CAPN12: variants seen among roughly 807,000 people sequenced by gnomAD.
CAPN12 encodes calpain-12.
Under a neutral mutation model 95.0 loss-of-function variants are expected in CAPN12, and 107 were observed. The observed-to-expected ratio is 1.13, with a 90% CI of 0.96 to 1.32. CAPN12 has a LOEUF of 1.32. CAPN12 is among the 40% of genes most tolerant of loss of function. The probability of loss-of-function intolerance (pLI) is 0.00; values close to 1 mark genes in which losing one functional copy is unlikely to be tolerated. For synonymous variants in CAPN12, 505 were observed against 415.5 expected, an observed-to-expected ratio of 1.22 and a Z score of -2.62; for missense variants, 1,136 against 997.8, an observed-to-expected ratio of 1.14 and a Z score of -1.87.
Position 38,731,042 on chromosome 19 carries a change from GGTGA to G in CAPN12, c.2075-23_2075-20del. 6.4e-7 allele frequency: 1 copy of G among 1,557,644 alleles called. No homozygotes were observed. Among genetic ancestry groups the G allele is most frequent in the South Asian group, 1.2e-5 (1 of 84,798 alleles). Reference sequence around the variant, plus strand: ...CAGTGGCCTGTGCAGAGAGGGGCAGGGTGAGTGCCCACCAGTCCCCGTACCCCTT... The same window carrying G: ...CAGTGGCCTGTGCAGAGAGGGGCAGGGTGCCCACCAGTCCCCGTACCCCTT... On this transcript the variant is annotated intron_variant, in intron 19 of 20. Transcript: ENST00000328867.
chr19:38,735,611 T>G (rs1969984002), intron 12 of CAPN12, 67 bp from the exon 13 acceptor site: 5 of 1,541,620 alleles, frequency 3.2e-6, no homozygotes, highest in Non-Finnish European at 3.5e-6. Flanking sequence ...TGGGACGGGG[T>G]CTCAGGTGAG....
At chr19:38,742,380 G>A (rs886076708) in intron 3 of CAPN12, 30 bp downstream of exon 3, 4 of 1,463,632 alleles carry the variant, frequency 2.7e-6, no homozygotes, top group African/African-American at 1.4e-5. Context: ...TGGGGGAAAC[G>A]GAGGCATGGG....
At chr19:38,732,424 C>T (rs1314959891) in intron 18 of CAPN12, among the ~76,000 whole-genome samples, 2 of 152,214 alleles carry the variant, frequency 1.3e-5, no homozygotes, top group African/African-American at 2.4e-5. Flanking sequence ...CTCCACCTCC[C>T]GGGTTCAAGA....
rs1020112820 is a variant in CAPN12, at chr19:38,742,944, C to G, written c.307+89G>C. On this transcript the variant is annotated intron_variant, in intron 2 of 20. Transcript: ENST00000328867. The stretch of plus-strand genomic sequence containing the variant: ...AGAGACTGAGGAGGGATCCAGGGGC[C>G]GGGAGTGGGTGGACAAAGGGATGGA... The G allele has an allele frequency of 9.2e-6, 11 of 1,199,030 alleles. No homozygotes were observed. In the Middle Eastern group the frequency reaches 1.0e-3, roughly 112 times the overall value. 74.3% of individuals were successfully genotyped at this position (1,199,030 alleles called of 1,614,324 possible).
rs1021985180 is a variant in CAPN12 at position 38,734,962 on chromosome 19, G to A, written c.1687-92C>T. 14 of 1,215,174 alleles carry A rather than the reference G, an allele frequency of 1.2e-5. No individual in the cohort carries two copies. In the African/African-American group the frequency reaches 2.0e-4, roughly 17 times the overall value. 75.3% of individuals were successfully genotyped at this position (1,215,174 alleles called of 1,614,324 possible). A position where few individuals can be genotyped will look rare whatever the true frequency, so the allele number is the denominator to read the frequency against. On this transcript the variant is annotated intron_variant, in intron 14 of 20. Coordinates refer to ENST00000328867, the MANE Select transcript of CAPN12 (RefSeq NM_144691.4). Reference sequence around the variant, plus strand: ...TAGGGACACGGCAGGGGCTGACAGAGCCTCAGAGCCCTAGCTCCAGGAGTG... The same window carrying A: ...TAGGGACACGGCAGGGGCTGACAGAACCTCAGAGCCCTAGCTCCAGGAGTG...
intron 2 of CAPN12, among the ~76,000 whole-genome samples, 163 bp downstream of exon 2, chr19:38,742,870 A>AAAAAAAAAAAAAAAAGG (rs1970636378): frequency 6.7e-6 from 1 of 148,778 alleles, no homozygotes; most frequent in African/African-American, 2.5e-5. Flanking sequence ...AAAAAAAAAA[A>AAAAAAAAAAAAAAAAGG]AAGGAAGGAA....
chr19:38,733,450 G>T (rs12986332), intron 18 of CAPN12: 3 of 476,912 alleles, frequency 6.3e-6, no homozygotes, highest in Non-Finnish European at 1.1e-5. Context: ...GCCTCTCCCT[G>T]CCCCAGAACC....
rs377132193 is a variant in CAPN12, at chr19:38,738,601, G to C, written c.777C>G (p.His259Gln). 1.2e-6 allele frequency: 2 copies of C among 1,613,900 alleles called. No homozygotes were observed. Among genetic ancestry groups the C allele is most frequent in the Non-Finnish European group, 1.7e-6 (2 of 1,180,032 alleles). The change falls in exon 6 of 21, where the codon CAC becomes CAG. Residue 259 changes from histidine (H) to glutamine (Q), a missense_variant. His to Gln is a conservative substitution (Grantham distance 24). Transcript: ENST00000328867. ...YRTEEGLVKG[H>Q]AYSITGTHKV... is the part of the protein sequence containing the mutation. Reference sequence around the variant, plus strand: ...TGTGTGTGCCCGTGATGGAATACGCGTGTCCCTTTACCAGGCCCTCTTCTG... The same window carrying C: ...TGTGTGTGCCCGTGATGGAATACGCCTGTCCCTTTACCAGGCCCTCTTCTG...
At position 38,731,092 on chromosome 19, in the gene CAPN12, CG is replaced by C; in HGVS notation, c.2074+14del. 6.2e-7 allele frequency: 1 copy of C among 1,603,382 alleles called. No individual in the cohort carries two copies. Among genetic ancestry groups the C allele is most frequent in the Non-Finnish European group, 8.5e-7 (1 of 1,175,444 alleles). On this transcript the variant is annotated intron_variant, in intron 19 of 20. Transcript: ENST00000328867. ...CCCTTCCCCCCATGCCCCACCATGC[CG>C]GGGTGGTACTCACAGAAGATGCAGG...
At chr19:38,734,440 A>T (rs532857414) in intron 15 of CAPN12, 51 bp from the exon 16 acceptor site, 6 of 1,486,134 alleles carry the variant, frequency 4.0e-6, no homozygotes, top group South Asian at 3.9e-5. Context: ...TCTGGCCACC[A>T]CTTTAAGGGC....
intron 8 of CAPN12, among the ~76,000 whole-genome samples, 153 bp downstream of exon 8, chr19:38,738,120 C>G (rs1434218977): frequency 6.6e-6 from 1 of 152,156 alleles, no homozygotes; most frequent in Non-Finnish European, 1.5e-5. Flanking sequence ...CCAATTCTTC[C>G]TTGATTTCCC....
intron 15 of CAPN12, 173 bp downstream of exon 15, chr19:38,734,640 G>A (rs1023015021): frequency 2.4e-5 from 16 of 676,852 alleles, no homozygotes; most frequent in African/African-American, 2.2e-4. Flanking sequence ...CGTGGCCCAG[G>A]TCACGGGGCC....
intron 4 of CAPN12, among the ~76,000 whole-genome samples, chr19:38,741,437 G>A (rs996975465): frequency 6.6e-6 from 1 of 152,144 alleles, no homozygotes; most frequent in Non-Finnish European, 1.5e-5. Context: ...GCCAGGCATG[G>A]TGGTGCGCTC....
At position 38,742,850 on chromosome 19, in the gene CAPN12, C is replaced by CAAAAA. The variant is rs11406594; in HGVS notation, c.307+178_307+182dup. On this transcript the variant is annotated intron_variant, in intron 2 of 20. Coordinates refer to ENST00000328867, the MANE Select transcript of CAPN12 (RefSeq NM_144691.4). ...TGGGTGACAGAGTGAGACCCCATCT[C>CAAAAA]AAAAAAAAAAAAAAAAAAAAAAGGA... 2.4e-3 allele frequency among the ~76,000 whole-genome samples: 127 copies of CAAAAA among 53,272 alleles called. 2 individuals are homozygous for CAAAAA. Among genetic ancestry groups the CAAAAA allele is most frequent in the African/African-American group, 0.01 (112 of 10,866 alleles). 34.9% of individuals were successfully genotyped at this position (53,272 alleles called of 152,430 possible).
At chr19:38,736,588 G>A (rs764217348) in intron 10 of CAPN12, 25 bp from the exon 11 acceptor site, 56 of 1,603,610 alleles carry the variant, frequency 3.5e-5, no homozygotes, top group East Asian at 4.5e-5. Context: ...AGCAAGGGGC[G>A]TCGGGGCAGG....
Position 38,737,587 on chromosome 19 carries a change from C to T in CAPN12, c.1017G>A (p.Ser339=), listed in dbSNP as rs1425406658. 1.9e-6 allele frequency: 3 copies of T among 1,612,040 alleles called. No homozygotes were observed. Among genetic ancestry groups the T allele is most frequent in the Non-Finnish European group, 2.5e-6 (3 of 1,179,686 alleles). Residue 339 remains serine (S), a synonymous_variant, in exon 9 of 21, where the codon TCG becomes TCA. Coordinates refer to ENST00000328867, the MANE Select transcript of CAPN12 (RefSeq NM_144691.4). ...LLHFDTVQIC[S]LSPEVLGPSP... is the part of the protein sequence containing the mutation. ...TGGGGCCCAGCACCTCCGGGCTCAG[C>T]GAGCAGATCTGCACGGTGTCGAAAT... is the stretch of plus-strand genomic sequence containing the variant.
Position 38,730,720 on chromosome 19 carries a change from G to T in CAPN12, c.*132C>A. 1 of 1,141,978 alleles carries T rather than the reference G, an allele frequency of 8.8e-7. No homozygotes were observed. The highest frequency in any genetic ancestry group is 1.3e-6 in the Non-Finnish European group (1 of 792,984). The allele number at this position is 1,141,978 out of a possible 1,614,324, so 70.7% of individuals were successfully genotyped here. On this transcript the variant is annotated 3_prime_UTR_variant, in exon 21 of 21. Coordinates refer to ENST00000328867, the MANE Select transcript of CAPN12 (RefSeq NM_144691.4). ...GGCCAGAGTGGTCACCCGGCCGTGA[G>T]CAGTGAGGGCCAGAGACTAGCCCCA...
rs538015381 is a variant in CAPN12, at chr19:38,743,950, G to A, written c.216C>T (p.Gly72=). 1.6e-5 allele frequency: 26 copies of A among 1,614,106 alleles called. No homozygotes were observed. The highest frequency in any genetic ancestry group is 2.2e-5 in the East Asian group (1 of 44,874). The change falls in exon 1 of 21, where the codon GGC becomes GGT. Residue 72 remains glycine (G), a synonymous_variant. Transcript: ENST00000328867. The part of the protein sequence containing the change: ...QLGPDSEKAK[G]VKWMRPHEFC... ...TTACATGGGGCCTCATCCATTTCAC[G>A]CCTTTGGCCTTCTCCGAGTCCGGCC...
At position 38,736,320 on chromosome 19, in the gene CAPN12, T is replaced by G. The variant is rs1259419806; in HGVS notation, c.1375-2A>C. Reference sequence around the variant, plus strand: ...CGGGGAATCCCAGAGGCCCAGCAGCTGGGGACGGGGCGGCATGACCACGGA... The same window carrying G: ...CGGGGAATCCCAGAGGCCCAGCAGCGGGGGACGGGGCGGCATGACCACGGA... On this transcript the variant is annotated splice_acceptor_variant, in intron 11 of 20. Transcript: ENST00000328867. LOFTEE classifies it high-confidence loss of function. 1.4e-6 allele frequency: 2 copies of G among 1,445,452 alleles called. No individual in the cohort carries two copies. The highest frequency in any genetic ancestry group is 5.5e-5 in the East Asian group (2 of 36,284). The allele number at this position is 1,445,452 out of a possible 1,614,324, so 89.5% of individuals were successfully genotyped here.
Sources: gnomAD v4.1 joint callset for allele counts (sites outside exome capture counted in the v4.1 genomes callset) on GRCh38, gnomAD v4.1.1 for gene constraint, MANE v1.5 for transcripts, NCBI Gene and HGNC (gene_info 2026-07-23, HGNC 2026-07-21) for gene names.